Variants in RYR2 observed in about 807,000 individuals in gnomAD.
RYR2 encodes the protein cardiac muscle ryanodine receptor-calcium release channel.
In RYR2, 227 loss-of-function variants were observed where a neutral mutation model predicts 601.1. The observed-to-expected ratio is 0.38, with a 90% CI of 0.34 to 0.42. The LOEUF is 0.42. Ranked by LOEUF, RYR2 falls within the 10% of genes least tolerant of loss-of-function variation. The probability of loss-of-function intolerance (pLI) is 1.00; values close to 1 mark genes in which losing one functional copy is unlikely to be tolerated. For missense variants in RYR2, 4,646 were observed against 6,156.5 expected (o/e 0.75, Z 8.21); for synonymous variants, 2,223 against 2,175.1 (o/e 1.02, Z -0.61).
At chr1:237,193,616 C>CT (rs962820856) in intron 1 of RYR2, among the ~76,000 whole-genome samples, 9 of 151,850 alleles carry the variant, frequency 5.9e-5, no homozygotes, top group East Asian at 1.9e-4. Context: ...TTGAATACTG[C>CT]TTTTTTTTGA....
At chr1:237,429,596 A>G (rs561603852) in intron 12 of RYR2, among the ~76,000 whole-genome samples, 18 of 152,300 alleles carry the variant, frequency 1.2e-4, no homozygotes, top group African/African-American at 4.3e-4. Context: ...AAAGCTGAAT[A>G]GAGTCCATCT....
chr1:237,718,151 A>G (rs1689413946), intron 72 of RYR2, among the ~76,000 whole-genome samples: 1 of 152,192 alleles, frequency 6.6e-6, no homozygotes, highest in Admixed American at 6.5e-5. Context: ...ATTTGGAAGA[A>G]TACTGGAGAT....
At chr1:237,513,285 C>T (rs1666094158) in intron 24 of RYR2, among the ~76,000 whole-genome samples, 1 of 152,212 alleles carries the variant, frequency 6.6e-6, no homozygotes, top group African/African-American at 2.4e-5. Context: ...TCTTGTCCTC[C>T]TTCCATCCTT....
rs2150025576 is a variant in RYR2, at chr1:237,416,473, T to C, written c.774-576T>C. Among the ~76,000 whole-genome samples, 3 of 152,320 alleles carry C rather than the reference T, an allele frequency of 2.0e-5. No homozygotes were observed. The South Asian group carries it at 6.2e-4, about 32-fold the overall frequency. ...TTTTGGAATTTGGGTGCATGTGATA[T>C]GCATCCAAAGAAATTCCTTTTTTGT... is the stretch of plus-strand genomic sequence containing the variant. On this transcript the variant is annotated intron_variant, in intron 10 of 104. Coordinates refer to ENST00000366574, the MANE Select transcript of RYR2 (RefSeq NM_001035.3).
chr1:237,634,215 G>C (rs1288178882), intron 43 of RYR2, among the ~76,000 whole-genome samples: 2 of 152,110 alleles, frequency 1.3e-5, no homozygotes, highest in Non-Finnish European at 2.9e-5. Context: ...CAACCTAAGT[G>C]TTCATCAGTG....
At chr1:237,193,150 C>T (rs1417598092) in intron 1 of RYR2, among the ~76,000 whole-genome samples, 2 of 13,602 alleles carry the variant, frequency 1.5e-4, no homozygotes, top group African/African-American at 1.9e-4. Context: ...GTGAAACCTC[C>T]GTCTCTGCTA....
Position 237,362,976 on chromosome 1 carries a change from T to C in RYR2, c.295-1382T>C, listed in dbSNP as rs145435166. On this transcript the variant is annotated intron_variant, in intron 4 of 104. Transcript: ENST00000366574. ...ACCTCGGTCACTTGGCTGACCACTCTTTTTTTTGTTAATACCTACTACATT... is the reference window on the plus strand; with the variant it reads ...ACCTCGGTCACTTGGCTGACCACTCCTTTTTTTGTTAATACCTACTACATT... 2.6e-5 allele frequency among the ~76,000 whole-genome samples: 4 copies of C among 152,048 alleles called. No individual in the cohort carries two copies. In the East Asian group the frequency reaches 7.7e-4, roughly 29 times the overall value.
At chr1:237,680,391 T>A in intron 61 of RYR2, 65 bp from the exon 62 acceptor site, 1 of 1,441,654 alleles carries the variant, frequency 6.9e-7, no homozygotes, top group Non-Finnish European at 9.6e-7. Context: ...CTCCAAAGCC[T>A]CAGCTCCCAT....
chr1:237,242,883 G>A lies in RYR2; in HGVS notation c.49-27614G>A, dbSNP rs114202859. On this transcript the variant is annotated intron_variant, in intron 1 of 104. Coordinates refer to ENST00000366574, the MANE Select transcript of RYR2 (RefSeq NM_001035.3). The stretch of plus-strand genomic sequence containing the variant: ...GTGCAGAAACCCAACTGAAACTGAC[G>A]TAAGCCAAAGTAAAGAAGTGATGTG... Among the ~76,000 whole-genome samples the A allele has an allele frequency of 3.8e-3, 574 of 152,196 alleles. 4 individuals carry two copies. Among genetic ancestry groups the A allele is most frequent in the African/African-American group, 0.013 (543 of 41,524 alleles).
intron 3 of RYR2, among the ~76,000 whole-genome samples, chr1:237,350,385 C>T (rs1265840621): frequency 1.3e-5 from 2 of 151,114 alleles, no homozygotes; most frequent in East Asian, 1.9e-4. Context: ...GCCTGACCAA[C>T]GTGGGGAAAC....
intron 1 of RYR2, among the ~76,000 whole-genome samples, chr1:237,129,457 G>A (rs185256873): frequency 3.3e-5 from 5 of 152,166 alleles, no homozygotes; most frequent in East Asian, 1.9e-4. Flanking sequence ...ACTGACATTC[G>A]GATGCATTTT....
chr1:237,495,153 A>G (rs185219436), intron 19 of RYR2, among the ~76,000 whole-genome samples: 225 of 152,292 alleles, frequency 1.5e-3, no homozygotes, highest in Middle Eastern at 6.8e-3. Flanking sequence ...TAGGGCAAAG[A>G]CTTTACATTT....
In RYR2 at chr1:237,742,268, T is replaced by TC. The variant is rs35446101; in HGVS notation, c.11092-26dup. 0.22 allele frequency: 288,984 copies of TC among 1,323,268 alleles called. 7,838 individuals are homozygous for TC. Among genetic ancestry groups the TC allele is most frequent in the Non-Finnish European group, 0.24 (228,195 of 969,664 alleles). The allele number at this position is 1,323,268 out of a possible 1,614,324, so 82.0% of individuals were successfully genotyped here. On this transcript the variant is annotated intron_variant, in intron 79 of 104. Transcript: ENST00000366574. ...TCTAAAATCTCAACATATTCCTGTC[T>TC]CCTTTTTTTTTTTTTTTAAATATAC...
intron 90 of RYR2, 131 bp from the exon 91 acceptor site, chr1:237,785,838 G>A (rs751101091): frequency 1.6e-5 from 11 of 694,850 alleles, no homozygotes; most frequent in Non-Finnish European, 2.6e-5. Context: ...AACACGTGGC[G>A]CTTTTATCGT....
intron 88 of RYR2, 66 bp from the exon 89 acceptor site, chr1:237,781,499 A>G (rs1238398303): frequency 8.8e-6 from 7 of 792,656 alleles, no homozygotes; most frequent in Non-Finnish European, 1.3e-5. Flanking sequence ...TTTTGTGAGA[A>G]TAAGTATGAT....
intron 24 of RYR2, among the ~76,000 whole-genome samples, chr1:237,525,752 G>A (rs753508191): frequency 1.1e-4 from 16 of 152,146 alleles, no homozygotes; most frequent in Non-Finnish European, 1.6e-4. Context: ...GGCCAAGGCC[G>A]GTGAATCACC....
At chr1:237,452,472 T>C (rs1658303192) in intron 14 of RYR2, among the ~76,000 whole-genome samples, 2 of 136,168 alleles carry the variant, frequency 1.5e-5, no homozygotes, top group African/African-American at 5.1e-5. Flanking sequence ...ATACTATTAG[T>C]ATATACTAAT....
intron 1 of RYR2, among the ~76,000 whole-genome samples, chr1:237,115,331 T>C (rs1416511999): frequency 1.3e-5 from 2 of 152,144 alleles, no homozygotes; most frequent in East Asian, 3.9e-4. Flanking sequence ...AGCACGGTCT[T>C]TGATAGGCTT....
At chr1:237,651,844 T>C (rs867304196) in intron 51 of RYR2, among the ~76,000 whole-genome samples, 15 of 152,126 alleles carry the variant, frequency 9.9e-5, no homozygotes, top group South Asian at 4.1e-4. Flanking sequence ...GAGACCATCC[T>C]AGCTAACACG....
Sources: gnomAD v4.1 joint callset for allele counts (sites outside exome capture counted in the v4.1 genomes callset) on GRCh38, gnomAD v4.1.1 for gene constraint, MANE v1.5 for transcripts, NCBI Gene and HGNC (gene_info 2026-07-23, HGNC 2026-07-21) for gene names.